SPATA16: variants seen among roughly 807,000 people sequenced by gnomAD.
SPATA16 encodes the protein spermatogenesis associated 16.
SPATA16 carries 36 observed loss-of-function variants against 63.3 expected under a neutral mutation model. The ratio of observed to expected loss-of-function variants is 0.57; its 90% confidence interval spans 0.44 to 0.75. SPATA16 has a LOEUF of 0.75. SPATA16 is among the 30% of genes least tolerant of loss of function. The pLI is 0.00. For missense variants in SPATA16, 646 were observed against 679.3 expected (o/e 0.95, Z 0.54); for synonymous variants, 203 against 216.7 (o/e 0.94, Z 0.56).
intron 5 of SPATA16, among the ~76,000 whole-genome samples, chr3:172,972,278 A>T (rs972311632): frequency 4.6e-5 from 7 of 152,168 alleles, no homozygotes; most frequent in African/African-American, 1.7e-4. Context: ...TCCACATGTC[A>T]TGCTTTCTAC....
chr3:173,035,061 T>C (rs755858481), intron 3 of SPATA16, among the ~76,000 whole-genome samples: 2 of 152,156 alleles, frequency 1.3e-5, no homozygotes, highest in Admixed American at 6.6e-5. Context: ...CAGATATTTT[T>C]AGTAGTGCTG....
intron 5 of SPATA16, among the ~76,000 whole-genome samples, chr3:172,969,265 G>A (rs1459609387): frequency 6.6e-6 from 1 of 152,166 alleles, no homozygotes; most frequent in Non-Finnish European, 1.5e-5. Context: ...CTACTGGGAG[G>A]TAATCTAATA....
At position 173,032,737 on chromosome 3, in the gene SPATA16, C is replaced by T. The variant is rs1271655512; in HGVS notation, c.759-13162G>A. Reference sequence around the variant, plus strand: ...ACATTTATTTTTTTCTACATTTCTTCGACTTTCTTACTCAGTTAATTACTC... The same window carrying T: ...ACATTTATTTTTTTCTACATTTCTTTGACTTTCTTACTCAGTTAATTACTC... On this transcript the variant is annotated intron_variant, in intron 3 of 10. Coordinates refer to ENST00000351008, the MANE Select transcript of SPATA16 (RefSeq NM_031955.6). 5.9e-5 allele frequency among the ~76,000 whole-genome samples: 9 copies of T among 152,018 alleles called. 1 individual carries two copies. In the South Asian group the frequency reaches 1.2e-3, roughly 21 times the overall value.
At chr3:173,015,016 T>TAC (rs1162480073) in intron 4 of SPATA16, among the ~76,000 whole-genome samples, 2 of 152,156 alleles carry the variant, frequency 1.3e-5, no homozygotes, top group African/African-American at 4.8e-5. Flanking sequence ...ATCCCTTATC[T>TAC]AGCCCATGCA....
intron 5 of SPATA16, among the ~76,000 whole-genome samples, chr3:172,964,346 G>A (rs1577109494): frequency 6.6e-6 from 1 of 152,256 alleles, no homozygotes; most frequent in Middle Eastern, 3.4e-3. Flanking sequence ...TTGTTCTATA[G>A]ACCCTGAATA....
intron 2 of SPATA16, among the ~76,000 whole-genome samples, chr3:173,107,960 GTTGTGTAAGAC>G (rs1223206516): frequency 1.3e-5 from 2 of 152,140 alleles, no homozygotes; most frequent in Non-Finnish European, 2.9e-5. Flanking sequence ...ACAATTTAGG[GTTGTGTAAGAC>G]TTCATGACAA....
At chr3:172,895,384 G>A (rs1176358974) in intron 10 of SPATA16, among the ~76,000 whole-genome samples, 4 of 152,072 alleles carry the variant, frequency 2.6e-5, no homozygotes, top group South Asian at 2.1e-4. Flanking sequence ...CACCCAAGGC[G>A]GAGTGCAGTG....
intron 6 of SPATA16, among the ~76,000 whole-genome samples, chr3:172,930,170 T>A (rs1183358583): frequency 6.6e-6 from 1 of 152,212 alleles, no homozygotes; most frequent in Admixed American, 6.5e-5. Context: ...TTCATGCCAA[T>A]ACATCACTAC....
Position 173,022,614 on chromosome 3 carries a change from G to A in SPATA16, c.759-3039C>T, listed in dbSNP as rs181207463. Among the ~76,000 whole-genome samples the A allele has an allele frequency of 3.5e-3, 527 of 152,044 alleles. 1 individual carries two copies. Among genetic ancestry groups the A allele is most frequent in the Non-Finnish European group, 6.0e-3 (409 of 67,946 alleles). The stretch of plus-strand genomic sequence containing the variant: ...CCCTTTTAAAGATATATTTTATGTC[G>A]TGTGCAACTTGTAGGGGAAATGATG... On this transcript the variant is annotated intron_variant, in intron 3 of 10. Coordinates refer to ENST00000351008, the MANE Select transcript of SPATA16 (RefSeq NM_031955.6).
chr3:173,140,247 A>G (rs1010066800), intron 1 of SPATA16, among the ~76,000 whole-genome samples: 3 of 152,200 alleles, frequency 2.0e-5, no homozygotes, highest in African/African-American at 7.2e-5. Context: ...AACACAATAC[A>G]AAGTTTTTAT....
intron 3 of SPATA16, among the ~76,000 whole-genome samples, chr3:173,024,193 A>G (rs1051487174): frequency 1.3e-5 from 2 of 151,560 alleles, no homozygotes; most frequent in South Asian, 4.1e-4. Flanking sequence ...TACCCTTATA[A>G]CTTAATATCG....
chr3:173,110,335 C>T (rs74337419), intron 2 of SPATA16, among the ~76,000 whole-genome samples: 260 of 152,300 alleles, frequency 1.7e-3, no homozygotes, highest in Non-Finnish European at 3.2e-3. Context: ...TGGTTTAGAT[C>T]ACTGCTTCTC....
At position 173,064,237 on chromosome 3, in the gene SPATA16, G is replaced by A. The variant is rs1321796395; in HGVS notation, c.613-15143C>T. Among the ~76,000 whole-genome samples the A allele has an allele frequency of 2.7e-5, 4 of 146,660 alleles. No individual in the cohort carries two copies. The Admixed American group carries it at 2.8e-4, about 10-fold the overall frequency. On this transcript the variant is annotated intron_variant, in intron 2 of 10. Transcript: ENST00000351008. Reference sequence around the variant, plus strand: ...GCAGGAGAATTGCTTGAACCTGGGAGGCAGAGGTTGCAGTGAGCCGAGATC... The same window carrying A: ...GCAGGAGAATTGCTTGAACCTGGGAAGCAGAGGTTGCAGTGAGCCGAGATC...
At chr3:172,935,291 G>A (rs1732956836) in intron 6 of SPATA16, among the ~76,000 whole-genome samples, 1 of 152,108 alleles carries the variant, frequency 6.6e-6, no homozygotes, top group African/African-American at 2.4e-5. Flanking sequence ...GAGCACACCT[G>A]CGAATAGCCA....
chr3:173,048,788 G>A (rs1335871566), intron 3 of SPATA16, among the ~76,000 whole-genome samples, 161 bp downstream of exon 3: 2 of 152,044 alleles, frequency 1.3e-5, no homozygotes, highest in East Asian at 3.8e-4. Flanking sequence ...TGAGATTTTT[G>A]TGGTCTCCAT....
intron 2 of SPATA16, among the ~76,000 whole-genome samples, chr3:173,070,004 AG>A (rs1488274710): frequency 6.6e-6 from 1 of 152,162 alleles, no homozygotes; most frequent in Admixed American, 6.5e-5. Context: ...ACTTGATAAA[AG>A]CCATTTATAT....
intron 8 of SPATA16, 91 bp downstream of exon 8, chr3:172,924,117 C>G: frequency 9.3e-7 from 1 of 1,070,984 alleles, no homozygotes; most frequent in Non-Finnish European, 1.4e-6. Context: ...AATCCCCTAA[C>G]ACTTGCACTA....
intron 6 of SPATA16, among the ~76,000 whole-genome samples, chr3:172,942,853 A>C (rs1733188147): frequency 6.6e-6 from 1 of 152,172 alleles, no homozygotes; most frequent in Admixed American, 6.5e-5. Flanking sequence ...ACATGATGCA[A>C]TTAGGTTAAA....
intron 7 of SPATA16, among the ~76,000 whole-genome samples, chr3:172,924,734 G>A (rs1345274667): frequency 6.6e-6 from 1 of 152,172 alleles, no homozygotes; most frequent in Non-Finnish European, 1.5e-5. Context: ...AGCCTCAGAG[G>A]ATACAGTGCC....
Sources: gnomAD v4.1 joint callset for allele counts (sites outside exome capture counted in the v4.1 genomes callset) on GRCh38, gnomAD v4.1.1 for gene constraint, MANE v1.5 for transcripts, NCBI Gene and HGNC (gene_info 2026-07-23, HGNC 2026-07-21) for gene names.